The following COL14A1 variants were observed in gnomAD, a reference collection of about 807,000 sequenced individuals.
The protein encoded by COL14A1 is collagen alpha-1(XIV) chain.
COL14A1 carries 136 observed loss-of-function variants against 230.3 expected under a neutral mutation model. The observed-to-expected ratio is 0.59, with a 90% CI of 0.51 to 0.68. The LOEUF is 0.68. Ranked by LOEUF, COL14A1 falls within the 30% of genes least tolerant of loss-of-function variation. COL14A1 has a pLI of 0.00. For missense variants in COL14A1, 1,976 were observed against 2,215.8 expected, an observed-to-expected ratio of 0.89 and a Z score of 2.17; for synonymous variants, 792 against 784.1, an observed-to-expected ratio of 1.01 and a Z score of -0.17.
intron 21 of COL14A1, among the ~76,000 whole-genome samples, chr8:120,249,264 T>G (rs970341500): frequency 6.6e-6 from 1 of 152,010 alleles, no homozygotes; most frequent in Non-Finnish European, 1.5e-5. Flanking sequence ...CCATATCAAT[T>G]TTCAGCCTTT....
upstream of COL14A1, among the ~76,000 whole-genome samples, chr8:120,124,598 T>C (rs1425366386): frequency 1.3e-5 from 2 of 152,188 alleles, no homozygotes; most frequent in African/African-American, 4.8e-5. Context: ...GCATCGCTGC[T>C]TTGGCGTTTT....
chr8:120,155,101 C>T (rs1257808382), intron 2 of COL14A1, among the ~76,000 whole-genome samples: 7 of 152,130 alleles, frequency 4.6e-5, no homozygotes, highest in Non-Finnish European at 1.0e-4. Flanking sequence ...TAACCAAGAT[C>T]TCCTTTTGAT....
At chr8:120,311,502 A>G (rs1193822099) in intron 37 of COL14A1, among the ~76,000 whole-genome samples, 2 of 152,182 alleles carry the variant, frequency 1.3e-5, no homozygotes, top group Admixed American at 6.5e-5. Context: ...TTATTTCTGT[A>G]TGATGATTTT....
At chr8:120,173,002 T>C (rs1816144565) in intron 5 of COL14A1, among the ~76,000 whole-genome samples, 1 of 152,220 alleles carries the variant, frequency 6.6e-6, no homozygotes, top group Non-Finnish European at 1.5e-5. Context: ...ATTCTGTTTC[T>C]TATTAAAATT....
intron 15 of COL14A1, among the ~76,000 whole-genome samples, chr8:120,225,694 C>T (rs936734373): frequency 2.0e-5 from 3 of 152,010 alleles, no homozygotes; most frequent in East Asian, 1.9e-4. Flanking sequence ...ATTTTAAACA[C>T]TAAAATTAAA....
chr8:120,188,769 A>G (rs1313703189), intron 5 of COL14A1, among the ~76,000 whole-genome samples: 1 of 152,212 alleles, frequency 6.6e-6, no homozygotes, highest in Non-Finnish European at 1.5e-5. Flanking sequence ...AAAAGGATTT[A>G]TGTTATTTTA....
chr8:120,289,897 T>C (rs1024789881), intron 34 of COL14A1, 131 bp downstream of exon 34: 19 of 826,166 alleles, frequency 2.3e-5, no homozygotes, highest in South Asian at 1.9e-4. Flanking sequence ...AATGAATGGA[T>C]GGATGGATGG....
chr8:120,275,990 A>C (rs939143026), intron 26 of COL14A1, among the ~76,000 whole-genome samples: 1 of 152,006 alleles, frequency 6.6e-6, no homozygotes, highest in Non-Finnish European at 1.5e-5. Flanking sequence ...CTATCTACCC[A>C]AAGGAAAAGA....
chr8:120,166,073 G>T (rs764128312), intron 4 of COL14A1, among the ~76,000 whole-genome samples: 1 of 152,194 alleles, frequency 6.6e-6, no homozygotes, highest in Admixed American at 6.5e-5. Context: ...CAGGTGGGCT[G>T]TGTGCAGCTC....
At chr8:120,294,380 T>C (rs1400819920) in intron 34 of COL14A1, among the ~76,000 whole-genome samples, 1 of 151,310 alleles carries the variant, frequency 6.6e-6, no homozygotes, top group Non-Finnish European at 1.5e-5. Flanking sequence ...ATTTCAAGTA[T>C]TCCCTTGAAA....
intron 14 of COL14A1, 140 bp from the exon 15 acceptor site, chr8:120,224,948 T>C: frequency 1.5e-6 from 1 of 683,946 alleles, no homozygotes; most frequent in South Asian, 2.3e-5. Context: ...TGTTCATACA[T>C]AAACTGGTTT....
At chr8:120,132,110 A>T (rs1814550833) in intron 1 of COL14A1, among the ~76,000 whole-genome samples, 1 of 151,964 alleles carries the variant, frequency 6.6e-6, no homozygotes, top group African/African-American at 2.4e-5. Context: ...GGCCTCCCAA[A>T]GTGCTGGGAT....
chr8:120,289,988 C>T (rs1427967584), intron 34 of COL14A1, among the ~76,000 whole-genome samples: 1 of 152,080 alleles, frequency 6.6e-6, no homozygotes, highest in Non-Finnish European at 1.5e-5. Context: ...TGGTAGTATG[C>T]TTCCACTGTA....
intron 40 of COL14A1, among the ~76,000 whole-genome samples, chr8:120,323,352 C>T (rs1229986936): frequency 6.6e-6 from 1 of 150,794 alleles, no homozygotes. Flanking sequence ...AAAATTGTCT[C>T]CCATTCTGAA....
intron 1 of COL14A1, among the ~76,000 whole-genome samples, chr8:120,134,993 C>T (rs1563628523): frequency 6.6e-6 from 1 of 151,952 alleles, no homozygotes; most frequent in African/African-American, 2.4e-5. Flanking sequence ...AACAAACAAA[C>T]AAACAAAAAA....
chr8:120,331,107 CAAAAAAAAAAA>C (rs35915187), intron 40 of COL14A1, among the ~76,000 whole-genome samples: 1 of 61,352 alleles, frequency 1.6e-5, no homozygotes, highest in Non-Finnish European at 3.4e-5. Flanking sequence ...CTCTGTCTCA[CAAAAAAAAAAA>C]AAAAAAAAAA....
intron 14 of COL14A1, among the ~76,000 whole-genome samples, chr8:120,223,847 G>C (rs547968160): frequency 6.6e-6 from 1 of 152,016 alleles, no homozygotes; most frequent in African/African-American, 2.4e-5. Context: ...ATAAGTCCTT[G>C]TGAGGATTAA....
At position 120,291,861 on chromosome 8, in the gene COL14A1, A is replaced by T. The variant is rs542127902; in HGVS notation, c.4236+2095A>T. On this transcript the variant is annotated intron_variant, in intron 34 of 47. Transcript: ENST00000297848. ...CATATATCTACATTTCACTCCTCTA[A>T]CCAGATTATAAATGCCTCAAAATAG... Among the ~76,000 whole-genome samples, 8 of 152,038 alleles carry T rather than the reference A, an allele frequency of 5.3e-5. No homozygotes were observed. In the South Asian group the frequency reaches 1.7e-3, roughly 32 times the overall value.
chr8:120,203,022 T>TATATATATATATATATATATATA (rs1817305659), intron 8 of COL14A1, among the ~76,000 whole-genome samples: 1 of 57,688 alleles, frequency 1.7e-5, no homozygotes, highest in Non-Finnish European at 4.5e-5. Context: ...ATATATATAT[T>TATATATATATATATATATATATA]TGTTCTAGCA....
Sources: gnomAD v4.1 joint callset for allele counts (sites outside exome capture counted in the v4.1 genomes callset) on GRCh38, gnomAD v4.1.1 for gene constraint, MANE v1.5 for transcripts, NCBI Gene and HGNC (gene_info 2026-07-23, HGNC 2026-07-21) for gene names.